DNAH5: variants seen among roughly 807,000 people sequenced by gnomAD.
DNAH5 encodes dynein axonemal heavy chain 5.
Under a neutral mutation model 518.2 loss-of-function variants are expected in DNAH5, and 372 were observed. That is an observed-to-expected ratio of 0.72 (90% CI 0.66 to 0.78). DNAH5 has a LOEUF of 0.78. DNAH5 is among the 30% of genes least tolerant of loss of function. The pLI, the probability that DNAH5 is intolerant of heterozygous loss-of-function variation, is 0.00. For synonymous variants in DNAH5, 2,039 were observed against 2,025.9 expected (o/e 1.01, Z -0.17); for missense variants, 5,523 against 5,687.0 (o/e 0.97, Z 0.93).
chr5:13,797,588 G>A (rs1451944380), intron 47 of DNAH5, among the ~76,000 whole-genome samples: 2 of 152,094 alleles, frequency 1.3e-5, no homozygotes, highest in South Asian at 2.1e-4. Context: ...AAATAGGAAC[G>A]TTTTTACACT....
At chr5:13,705,687 T>G (rs1475380987) in intron 76 of DNAH5, among the ~76,000 whole-genome samples, 1 of 152,140 alleles carries the variant, frequency 6.6e-6, no homozygotes, top group Non-Finnish European at 1.5e-5. Context: ...ACAGGGTCTT[T>G]ACAGAGGAAA....
intron 43 of DNAH5, among the ~76,000 whole-genome samples, chr5:13,812,082 TGC>T (rs1760789546): frequency 1.3e-5 from 2 of 152,158 alleles, no homozygotes; most frequent in Non-Finnish European, 2.9e-5. Context: ...GTAGGTAGCC[TGC>T]TCAGGAGCCC....
At chr5:13,838,983 TAA>T (rs35593776) in intron 35 of DNAH5, among the ~76,000 whole-genome samples, 6 of 142,322 alleles carry the variant, frequency 4.2e-5, no homozygotes, top group African/African-American at 2.6e-5. Flanking sequence ...CTTTCCTGCT[TAA>T]AAAAAAAAAA....
intron 35 of DNAH5, among the ~76,000 whole-genome samples, chr5:13,835,513 G>A (rs1296888769): frequency 1.1e-4 from 16 of 152,074 alleles, no homozygotes; most frequent in South Asian, 8.3e-4. Context: ...TTGTCACCAC[G>A]TGCGCCAAGC....
chr5:13,859,383 T>G, intron 30 of DNAH5, 69 bp downstream of exon 30: 1 of 1,535,404 alleles, frequency 6.5e-7, no homozygotes, highest in Admixed American at 1.7e-5. Flanking sequence ...ATTGCATTAT[T>G]TAAGGGGGTA....
At chr5:13,884,234 T>C (rs1427800298) in intron 19 of DNAH5, among the ~76,000 whole-genome samples, 2 of 152,228 alleles carry the variant, frequency 1.3e-5, no homozygotes, top group Non-Finnish European at 2.9e-5. Context: ...TGTTTCCACT[T>C]TGTAAGACTG....
chr5:13,773,367 G>A (rs1753615535), intron 55 of DNAH5, among the ~76,000 whole-genome samples: 1 of 152,064 alleles, frequency 6.6e-6, no homozygotes. Context: ...TTAAGCCTTG[G>A]AGATTGAATA....
intron 1 of DNAH5, among the ~76,000 whole-genome samples, chr5:14,009,270 C>G (rs1273888732): frequency 6.6e-6 from 1 of 152,210 alleles, no homozygotes; most frequent in Non-Finnish European, 1.5e-5. Context: ...TAAACTTCCT[C>G]CTAGCATTTC....
chr5:13,951,982 T>A (rs1780453736), intron 1 of DNAH5, among the ~76,000 whole-genome samples: 2 of 152,192 alleles, frequency 1.3e-5, no homozygotes, highest in South Asian at 2.1e-4. Context: ...ATAGAAAGAT[T>A]TAATGAGAAA....
At chr5:13,705,030 C>T (rs894368785) in intron 76 of DNAH5, among the ~76,000 whole-genome samples, 5 of 151,016 alleles carry the variant, frequency 3.3e-5, no homozygotes, top group African/African-American at 1.2e-4. Context: ...CTCGCTCTGT[C>T]ACCCAGGCTG....
At chr5:13,871,819 G>T (rs1770149247) in intron 22 of DNAH5, 54 bp from the exon 23 acceptor site, 1 of 1,443,040 alleles carries the variant, frequency 6.9e-7, no homozygotes, top group Non-Finnish European at 9.7e-7. Context: ...AAGGCACAAT[G>T]ATATAAGTGA....
chr5:13,769,291 A>G (rs1221183792), intron 57 of DNAH5, among the ~76,000 whole-genome samples, 155 bp from the exon 58 acceptor site: 1 of 130,982 alleles, frequency 7.6e-6, no homozygotes, highest in Non-Finnish European at 1.5e-5. Context: ...TCTGTCGCCC[A>G]GGCTGGAGTG....
chr5:13,822,113 A>G (rs1402576172), intron 40 of DNAH5, among the ~76,000 whole-genome samples: 1 of 152,042 alleles, frequency 6.6e-6, no homozygotes, highest in East Asian at 1.9e-4. Context: ...TGTTAAAATT[A>G]GCCAAAAGAT....
In DNAH5 at chr5:13,962,708, T is replaced by C. The variant is rs1781263488; in HGVS notation, c.13-31464A>G. On this transcript the variant is annotated intron_variant, in intron 1 of 78. Coordinates refer to the DNAH5 transcript ENST00000681290. The stretch of plus-strand genomic sequence containing the variant: ...GGTGGGAAAGAAGAACTTGATTAGA[T>C]ATAAAGGGGATGGAACGGGTTCTCC... 3.3e-5 allele frequency among the ~76,000 whole-genome samples: 5 copies of C among 152,174 alleles called. No homozygotes were observed. In the South Asian group the frequency reaches 8.3e-4, roughly 25 times the overall value.
chr5:13,950,903 A>G (rs968230104), intron 1 of DNAH5, among the ~76,000 whole-genome samples: 2 of 152,228 alleles, frequency 1.3e-5, no homozygotes, highest in Non-Finnish European at 2.9e-5. Context: ...TATCATCTAA[A>G]GGACAACCAA....
intron 41 of DNAH5, among the ~76,000 whole-genome samples, chr5:13,818,819 A>G (rs886894811): frequency 6.6e-6 from 1 of 152,208 alleles, no homozygotes; most frequent in African/African-American, 2.4e-5. Context: ...GGGGACAAAT[A>G]ATATGCATCA....
chr5:13,723,235 C>G (rs1040549137), intron 70 of DNAH5, among the ~76,000 whole-genome samples: 1 of 152,158 alleles, frequency 6.6e-6, no homozygotes, highest in East Asian at 1.9e-4. Flanking sequence ...AATAAGTTTG[C>G]CTGATATGTT....
chr5:13,719,762 C>T (rs1243638823), intron 71 of DNAH5, among the ~76,000 whole-genome samples: 1 of 152,158 alleles, frequency 6.6e-6, no homozygotes, highest in Non-Finnish European at 1.5e-5. Context: ...CCTGCTACTT[C>T]CTGCCTCCCA....
intron 1 of DNAH5, among the ~76,000 whole-genome samples, chr5:13,994,064 C>T (rs538604035): frequency 1.6e-4 from 24 of 152,316 alleles, no homozygotes; most frequent in African/African-American, 2.9e-4. Flanking sequence ...ACCTCTGACC[C>T]GGGGGATCTT....
Sources: allele counts gnomAD v4.1 joint callset (sites outside exome capture counted in the v4.1 genomes callset), GRCh38; gene constraint gnomAD v4.1.1; transcripts MANE v1.5; gene names NCBI Gene and HGNC (gene_info 2026-07-23, HGNC 2026-07-21).